Variants in DAB1 observed in about 807,000 individuals in gnomAD.
The protein encoded by DAB1 is disabled homolog 1.
A neutral mutation model predicts 64.6 loss-of-function variants in DAB1; 15 were observed. The ratio of observed to expected loss-of-function variants is 0.23; its 90% CI spans 0.16 to 0.36. The LOEUF is 0.36. DAB1 is among the 10% of genes least tolerant of loss of function. The pLI is 1.00. For synonymous variants in DAB1, 235 were observed against 251.9 expected, an observed-to-expected ratio of 0.93 and a Z score of 0.64; for missense variants, 596 against 706.7, an observed-to-expected ratio of 0.84 and a Z score of 1.78.
chr1:57,590,230 T>C lies in DAB1; in HGVS notation n.625+59362A>G, dbSNP rs189004125. On this transcript the variant is annotated intron_variant and non_coding_transcript_variant, in intron 7 of 20. Transcript: ENST00000485760. The stretch of plus-strand genomic sequence containing the variant: ...ACACCCACGCCTGGTGTCTGTTCCA[T>C]TTCTTATAAGGACACTAGTCATATT... 5.8e-4 allele frequency among the ~76,000 whole-genome samples: 89 copies of C among 152,286 alleles called. 1 individual carries two copies. In the East Asian group the frequency reaches 0.014, roughly 24 times the overall value.
chr1:57,704,279 A>G (rs1367341787), intron 6 of DAB1, among the ~76,000 whole-genome samples: 1 of 152,194 alleles, frequency 6.6e-6, no homozygotes, highest in Non-Finnish European at 1.5e-5. Flanking sequence ...CTGTTGTAGC[A>G]ATAAACAGAA....
At chr1:57,988,558 C>T (rs1553150886) in intron 5 of DAB1, among the ~76,000 whole-genome samples, 1 of 152,180 alleles carries the variant, frequency 6.6e-6, no homozygotes, top group Non-Finnish European at 1.5e-5. Flanking sequence ...GTCACTGAGA[C>T]TTCTTTTCTG....
intron 9 of DAB1, among the ~76,000 whole-genome samples, chr1:57,044,961 G>A (rs141372094): frequency 2.6e-4 from 39 of 152,212 alleles, no homozygotes; most frequent in Middle Eastern, 3.4e-3. Flanking sequence ...TTTAATTATC[G>A]CAACAAACGT....
intron 6 of DAB1, among the ~76,000 whole-genome samples, chr1:57,820,669 G>C (rs1350081176): frequency 6.6e-6 from 1 of 152,130 alleles, no homozygotes; most frequent in East Asian, 1.9e-4. Context: ...ATAGAAACTA[G>C]TCCTGATGTT....
At chr1:58,504,627 A>G (rs1645957849) in intron 3 of DAB1, among the ~76,000 whole-genome samples, 1 of 152,180 alleles carries the variant, frequency 6.6e-6, no homozygotes, top group South Asian at 2.1e-4. Flanking sequence ...TTCCTTGCTC[A>G]TTCCCCAGCA....
intron 5 of DAB1, among the ~76,000 whole-genome samples, chr1:58,073,771 A>G (rs1649422566): frequency 6.6e-6 from 1 of 152,204 alleles, no homozygotes; most frequent in South Asian, 2.1e-4. Flanking sequence ...AGCCTTCAGC[A>G]CAATCCTTTA....
At position 57,429,153 on chromosome 1, in the gene DAB1, G is replaced by A. The variant is rs865934580; in HGVS notation, n.626-137987C>T. Among the ~76,000 whole-genome samples the A allele has an allele frequency of 5.9e-5, 9 of 152,034 alleles. No homozygotes were observed. The South Asian group carries it at 8.3e-4, about 14-fold the overall frequency. ...TGATTTTCAACTTTTGGCTTCATGC[G>A]ATCCTCCTGCCTCACCTTCCAAAGT... On this transcript the variant is annotated intron_variant and non_coding_transcript_variant, in intron 7 of 20. Transcript: ENST00000485760.
At chr1:57,011,756 C>A (rs1191967055) in intron 12 of DAB1, among the ~76,000 whole-genome samples, 2 of 152,200 alleles carry the variant, frequency 1.3e-5, no homozygotes, top group Non-Finnish European at 2.9e-5. Context: ...ACTTTACAGA[C>A]AATATCTCTA....
chr1:57,837,099 T>C (rs1166093353), intron 1 of DAB1, among the ~76,000 whole-genome samples: 1 of 152,190 alleles, frequency 6.6e-6, no homozygotes, highest in South Asian at 2.1e-4. Flanking sequence ...AAACTGGCAG[T>C]CTTTCTCAGG....
intron 4 of DAB1, among the ~76,000 whole-genome samples, chr1:57,105,829 T>C (rs1242033616): frequency 2.0e-5 from 3 of 152,296 alleles, no homozygotes; most frequent in African/African-American, 7.2e-5. Context: ...TTATGAATGA[T>C]GTGGTTTCCT....
chr1:57,353,102 TA>T (rs113851364), intron 1 of DAB1, among the ~76,000 whole-genome samples: 143 of 129,962 alleles, frequency 1.1e-3, no homozygotes, highest in African/African-American at 4.1e-3. Flanking sequence ...CATATATATA[TA>T]TTTTTTTCCA....
intron 6 of DAB1, among the ~76,000 whole-genome samples, chr1:57,709,763 C>A (rs1371195156): frequency 6.6e-6 from 1 of 152,070 alleles, no homozygotes; most frequent in East Asian, 1.9e-4. Context: ...AATCTGGCCA[C>A]CCCACCCCCC....
chr1:57,972,043 CA>C (rs556577228), intron 5 of DAB1, among the ~76,000 whole-genome samples: 9 of 152,274 alleles, frequency 5.9e-5, no homozygotes, highest in African/African-American at 1.9e-4. Flanking sequence ...ATGCTATGTA[CA>C]TCCAGATGAT....
intron 6 of DAB1, among the ~76,000 whole-genome samples, chr1:57,808,630 TCA>T (rs1387809705): frequency 6.6e-6 from 1 of 152,160 alleles, no homozygotes; most frequent in African/African-American, 2.4e-5. Flanking sequence ...TACCAAATGT[TCA>T]CAACTTTAGG....
At chr1:57,391,361 C>T (rs976804756) in intron 1 of DAB1, among the ~76,000 whole-genome samples, 1 of 152,138 alleles carries the variant, frequency 6.6e-6, no homozygotes, top group Non-Finnish European at 1.5e-5. Context: ...CATTAATGAG[C>T]ATAGCAACTC....
chr1:57,834,714 A>G (rs1160555242), intron 1 of DAB1, among the ~76,000 whole-genome samples: 1 of 151,734 alleles, frequency 6.6e-6, no homozygotes, highest in Non-Finnish European at 1.5e-5. Context: ...GTACAACTAG[A>G]TATGACTATA....
At chr1:58,134,798 A>C (rs527656921) in intron 5 of DAB1, among the ~76,000 whole-genome samples, 157 of 152,316 alleles carry the variant, frequency 1.0e-3, no homozygotes, top group Non-Finnish European at 5.6e-4. Context: ...CCCCACCTCC[A>C]ACACTGGGGA....
intron 2 of DAB1, among the ~76,000 whole-genome samples, chr1:57,258,383 C>T (rs1204241205): frequency 4.6e-5 from 7 of 152,082 alleles, no homozygotes; most frequent in African/African-American, 7.2e-5. Context: ...CAATCATCAT[C>T]CTCCCTGGGA....
rs1651737880 is a variant in DAB1, at chr1:58,107,610, TG to T, written n.387+42900del. ...AGCTAGCATGTTTTTTTTCTGTTTT[TG>T]TTTTTGTTTTTGTTTTGTTTTTGAG... On this transcript the variant is annotated intron_variant and non_coding_transcript_variant, in intron 5 of 20. Transcript: ENST00000485760. Among the ~76,000 whole-genome samples the T allele has an allele frequency of 4.6e-5, 7 of 152,008 alleles. No individual in the cohort carries two copies. The South Asian group carries it at 1.5e-3, about 32-fold the overall frequency.
Sources: gnomAD v4.1 joint callset for allele counts (sites outside exome capture counted in the v4.1 genomes callset) on GRCh38, gnomAD v4.1.1 for gene constraint, MANE v1.5 for transcripts, NCBI Gene and HGNC (gene_info 2026-07-23, HGNC 2026-07-21) for gene names.